Variants in U2AF2 observed in about 807,000 individuals in gnomAD.
U2AF2 encodes splicing factor U2AF 65 kDa subunit.
In U2AF2, 6 loss-of-function variants were observed where a neutral mutation model predicts 52.6. That is an observed-to-expected ratio of 0.11 (90% CI 0.06 to 0.23). The LOEUF (loss-of-function observed/expected upper bound fraction) is 0.23, where lower values mean the gene tolerates loss of function less well. Ranked by LOEUF, U2AF2 falls within the 10% of genes least tolerant of loss-of-function variation. The pLI, the probability that U2AF2 is intolerant of heterozygous loss-of-function variation, is 1.00. For missense variants in U2AF2, 222 were observed against 677.1 expected, an observed-to-expected ratio of 0.33 and a Z score of 7.46; for synonymous variants, 284 against 258.2, an observed-to-expected ratio of 1.10 and a Z score of -0.96.
chr19:55,659,144 G>A (rs556700782), intron 1 of U2AF2, 66 bp from the exon 2 acceptor site: 22 of 1,436,392 alleles, frequency 1.5e-5, no homozygotes, highest in East Asian at 5.4e-5. Flanking sequence ...CCACCAGCGC[G>A]CAGGGTGGGC....
At chr19:55,660,104 G>T (rs575688928) in intron 2 of U2AF2, 73 bp from the exon 3 acceptor site, 8 of 1,473,502 alleles carry the variant, frequency 5.4e-6, no homozygotes, top group South Asian at 2.4e-5. Context: ...AGTGCCCTTG[G>T]GGGGGTGTGG....
At chr19:55,673,091 G>C (rs1429209390) in intron 11 of U2AF2, among the ~76,000 whole-genome samples, 1 of 151,764 alleles carries the variant, frequency 6.6e-6, no homozygotes. Flanking sequence ...GCTAATTTTT[G>C]TATTTTTGGT....
chr19:55,666,049 G>A (rs183401510), intron 7 of U2AF2, among the ~76,000 whole-genome samples: 128 of 152,334 alleles, frequency 8.4e-4, no homozygotes, highest in Admixed American at 2.2e-3. Context: ...AATAGGAACC[G>A]TGGGTTATGG....
At chr19:55,667,102 C>T (rs1415663474) in intron 7 of U2AF2, among the ~76,000 whole-genome samples, 1 of 152,066 alleles carries the variant, frequency 6.6e-6, no homozygotes, top group East Asian at 1.9e-4. Flanking sequence ...GTCTGTGTGG[C>T]CCCAGTCTGG....
In U2AF2 at chr19:55,655,080, C is replaced by A; in HGVS notation, c.-25C>A. 6.2e-7 allele frequency: 1 copy of A among 1,606,538 alleles called. No individual in the cohort carries two copies. The highest frequency in any genetic ancestry group is 8.5e-7 in the Non-Finnish European group (1 of 1,177,720). On this transcript the variant is annotated 5_prime_UTR_variant, in exon 1 of 12. Transcript: ENST00000308924. ...GCGGCAAGGCGAGGCGAAAGCTGCA[C>A]AGGGCCCTACGCGGCCGCCTCAGCA...
rs1196589335 is a variant in U2AF2 at position 55,674,312 on chromosome 19, GAC to G, written c.*248_*249del. On this transcript the variant is annotated 3_prime_UTR_variant, in exon 12 of 12. Transcript: ENST00000308924. ...CACACAGACAACACGCACCCACACA[GAC>G]ACAGAGGGAAGGGGTTGGGATGGGG... 2 of 492,734 alleles carry G rather than the reference GAC, an allele frequency of 4.1e-6. No homozygotes were observed. The highest frequency in any genetic ancestry group is 7.3e-6 in the Non-Finnish European group (2 of 274,760). The allele number at this position is 492,734 out of a possible 1,614,324, so 30.5% of individuals were successfully genotyped here. A position where few individuals can be genotyped will look rare whatever the true frequency, so the allele number is the denominator to read the frequency against.
Position 55,668,849 on chromosome 19 carries a change from G to A in U2AF2, c.945+57G>A. ...CTGTCCTTCCCTGCCCTGCGCTGTT[G>A]CCAAGCCATGGTCTCCCCTCCTCAG... On this transcript the variant is annotated intron_variant, in intron 9 of 11. Transcript: ENST00000308924. This position sits in a 1 kb window ranked among gnomAD's most constrained non-coding sequence, Gnocchi z 5.5. 1.9e-6 allele frequency: 3 copies of A among 1,573,172 alleles called. No individual in the cohort carries two copies. Among genetic ancestry groups the A allele is most frequent in the Non-Finnish European group, 2.6e-6 (3 of 1,155,876 alleles).
At chr19:55,665,241 C>T (rs1377085465) in intron 7 of U2AF2, among the ~76,000 whole-genome samples, 1 of 152,180 alleles carries the variant, frequency 6.6e-6, no homozygotes, top group Non-Finnish European at 1.5e-5. Context: ...TAGTGTGTGT[C>T]AGGCGCTGTC....
intron 1 of U2AF2, chr19:55,658,914 T>C: frequency 9.1e-6 from 3 of 328,788 alleles, no homozygotes; most frequent in South Asian, 1.3e-4. Context: ...CCCTCAGCCC[T>C]CGAGGGGGAC....
chr19:55,668,383 C>T lies in U2AF2; in HGVS notation c.743-124C>T, dbSNP rs1031035710. On this transcript the variant is annotated intron_variant, in intron 7 of 11. Transcript: ENST00000308924. The surrounding 1 kb of genome is among the most constrained non-coding windows in gnomAD (Gnocchi z 5.5). ...TGGGGTGGGGTGGGCACGTGGCGAC[C>T]CCTCCCTCGTCAGATCAGGCAGGAA... 7.2e-6 allele frequency: 7 copies of T among 971,388 alleles called. No homozygotes were observed. Among genetic ancestry groups the T allele is most frequent in the Non-Finnish European group, 1.0e-5 (7 of 672,714 alleles). The allele number at this position is 971,388 out of a possible 1,614,324, so 60.2% of individuals were successfully genotyped here.
Position 55,672,242 on chromosome 19 carries a change from A to AT in U2AF2, c.1294-1691dup, listed in dbSNP as rs537731553. Among the ~76,000 whole-genome samples, 60 of 152,212 alleles carry AT rather than the reference A, an allele frequency of 3.9e-4. 1 individual carries two copies. In the East Asian group the frequency reaches 8.1e-3, roughly 21 times the overall value. ...ACTATGATAGTGATACGTTTTTATC[A>AT]TAGTATATGTGCTAATATTTTGGTG... On this transcript the variant is annotated intron_variant, in intron 11 of 11. Transcript: ENST00000308924.
At chr19:55,660,147 CT>C in intron 2 of U2AF2, 29 bp from the exon 3 acceptor site, 1 of 1,591,330 alleles carries the variant, frequency 6.3e-7, no homozygotes, top group Non-Finnish European at 8.6e-7. Flanking sequence ...CCAGTCACCC[CT>C]CCCCATACCT....
In U2AF2 at chr19:55,660,927, G is replaced by A. The variant is rs182424719; in HGVS notation, c.335-111G>A. 2.4e-5 allele frequency: 36 copies of A among 1,474,868 alleles called. No homozygotes were observed. The Admixed American group carries it at 5.7e-4, about 23-fold the overall frequency. The allele number at this position is 1,474,868 out of a possible 1,614,324, so 91.4% of individuals were successfully genotyped here. A position where few individuals can be genotyped will look rare whatever the true frequency, so the allele number is the denominator to read the frequency against. On this transcript the variant is annotated intron_variant, in intron 4 of 11. Transcript: ENST00000308924. ...GAGGGTTCTGGAAGGTGCTAAGACC[G>A]AGAGCCTGTAGGAGCTTTCTGCTGA...
intron 1 of U2AF2, among the ~76,000 whole-genome samples, chr19:55,656,825 T>C (rs144215185): frequency 6.6e-6 from 1 of 152,224 alleles, no homozygotes; most frequent in Non-Finnish European, 1.5e-5. Flanking sequence ...GGGTGTGCAG[T>C]AAGCGATATT....
At chr19:55,664,565 G>A (rs1405926799) in intron 7 of U2AF2, among the ~76,000 whole-genome samples, 1 of 152,188 alleles carries the variant, frequency 6.6e-6, no homozygotes, top group Non-Finnish European at 1.5e-5. Flanking sequence ...CATGGAGGAG[G>A]TGGGGTTCTG....
At position 55,674,105 on chromosome 19, in the gene U2AF2, G is replaced by C; in HGVS notation, c.*37G>C. On this transcript the variant is annotated 3_prime_UTR_variant, in exon 12 of 12. Coordinates refer to ENST00000308924, the MANE Select transcript of U2AF2 (RefSeq NM_007279.3). ...GGAGGGTGGGGGCAGGGCTGGCTGG[G>C]GGCTTCTCCCCACTCCCGCCCCCCC... is the stretch of plus-strand genomic sequence containing the variant. 6.4e-7 allele frequency: 1 copy of C among 1,562,036 alleles called. No individual in the cohort carries two copies. The highest frequency in any genetic ancestry group is 8.7e-7 in the Non-Finnish European group (1 of 1,154,354).
rs1426460885 is a variant in U2AF2, at chr19:55,661,153, C to T, written c.450C>T (p.Arg150=). 7 of 1,611,590 alleles carry T rather than the reference C, an allele frequency of 4.3e-6. No individual in the cohort carries two copies. Among genetic ancestry groups the T allele is most frequent in the Non-Finnish European group, 5.9e-6 (7 of 1,178,734 alleles). ...VGSQMTRQAR[R]LYVGNIPFGI... ...GCCAGATGACCAGACAAGCCCGGCG[C>T]CTCTACGTGGGCAACATCCCCTTTG... The change falls in exon 5 of 12, where the codon CGC becomes CGT. Residue 150 remains arginine (R), a synonymous_variant. Coordinates refer to ENST00000308924, the MANE Select transcript of U2AF2 (RefSeq NM_007279.3).
chr19:55,659,901 T>A (rs1423231740), intron 2 of U2AF2, among the ~76,000 whole-genome samples: 1 of 152,158 alleles, frequency 6.6e-6, no homozygotes, highest in Non-Finnish European at 1.5e-5. Flanking sequence ...AAGGGCAGGA[T>A]AGGCGGAAGT....
Position 55,668,615 on chromosome 19 carries a change from T to TCCCCC in U2AF2, c.822+31_822+35dup. The TCCCCC allele has an allele frequency of 5.2e-5, 79 of 1,513,716 alleles. No individual in the cohort carries two copies. The highest frequency in any genetic ancestry group is 6.2e-5 in the Non-Finnish European group (68 of 1,096,970). The allele number at this position is 1,513,716 out of a possible 1,614,324, so 93.8% of individuals were successfully genotyped here. On this transcript the variant is annotated intron_variant, in intron 8 of 11. Coordinates refer to ENST00000308924, the MANE Select transcript of U2AF2 (RefSeq NM_007279.3). The surrounding 1 kb of genome is among the most constrained non-coding windows in gnomAD (Gnocchi z 5.5). ...ACTTCCCTGCCTCCCTCCAGACCCG[T>TCCCCC]CCCCCCACCCCGCCCCACCTCATCC... is the stretch of plus-strand genomic sequence containing the variant.
Sources: gnomAD v4.1 joint callset for allele counts (sites outside exome capture counted in the v4.1 genomes callset) on GRCh38, gnomAD v4.1.1 for gene constraint, Gnocchi (gnomAD v3.1) non-coding constraint, MANE v1.5 for transcripts, NCBI Gene and HGNC (gene_info 2026-07-23, HGNC 2026-07-21) for gene names.